Variants in ULK4 observed in about 807,000 individuals in gnomAD.
ULK4 encodes the protein unc-51 like kinase 4, also known as inactive serine/threonine-protein kinase ULK4.
A neutral mutation model predicts 160.6 loss-of-function variants in ULK4; 133 were observed. The ratio of observed to expected loss-of-function variants is 0.83; its 90% CI spans 0.72 to 0.96. The LOEUF is 0.96. Among genes scored for constraint, ULK4 ranks in the 40% least tolerant of loss-of-function variants. The probability of loss-of-function intolerance (pLI) is 0.00; values close to 1 mark genes in which losing one functional copy is unlikely to be tolerated. For synonymous variants in ULK4, 534 were observed against 539.8 expected (o/e 0.99, Z 0.15); for missense variants, 1,580 against 1,499.5 (o/e 1.05, Z -0.89).
chr3:41,373,682 C>T (rs1360225936), intron 35 of ULK4, among the ~76,000 whole-genome samples: 3 of 152,026 alleles, frequency 2.0e-5, no homozygotes, highest in Non-Finnish European at 2.9e-5. Context: ...CAGGAGAAAG[C>T]GGGAAAGATC....
intron 12 of ULK4, among the ~76,000 whole-genome samples, chr3:41,906,216 CAAA>C (rs58001920): frequency 2.8e-4 from 19 of 67,100 alleles, no homozygotes; most frequent in East Asian, 6.7e-4. Context: ...GACTCCGTCT[CAAA>C]AAAAAAAAAA....
At chr3:41,830,231 A>T (rs900236605) in intron 18 of ULK4, among the ~76,000 whole-genome samples, 2 of 152,052 alleles carry the variant, frequency 1.3e-5, no homozygotes, top group African/African-American at 4.8e-5. Context: ...CACCAACATG[A>T]CACATGTATA....
intron 35 of ULK4, among the ~76,000 whole-genome samples, chr3:41,265,060 C>A (rs912217918): frequency 6.6e-6 from 1 of 152,186 alleles, no homozygotes; most frequent in African/African-American, 2.4e-5. Context: ...TAAGGCAGGA[C>A]AGAAGGACTC....
intron 21 of ULK4, among the ~76,000 whole-genome samples, chr3:41,757,866 A>G (rs889535866): frequency 3.3e-5 from 5 of 151,936 alleles, no homozygotes; most frequent in African/African-American, 1.2e-4. Flanking sequence ...TGACCACATG[A>G]TCCGCCTGCC....
chr3:41,551,088 T>C (rs181247431), intron 32 of ULK4, among the ~76,000 whole-genome samples: 12 of 150,994 alleles, frequency 7.9e-5, no homozygotes, highest in African/African-American at 2.2e-4. Flanking sequence ...CTGAAACAAA[T>C]GATAATTGAA....
intron 31 of ULK4, 121 bp from the exon 32 acceptor site, chr3:41,566,251 T>C (rs2087779155): frequency 1.2e-6 from 1 of 802,378 alleles, no homozygotes. Flanking sequence ...GATTACCTTT[T>C]TGCACTTTAA....
At chr3:41,866,348 T>C (rs1349005828) in intron 17 of ULK4, among the ~76,000 whole-genome samples, 3 of 152,200 alleles carry the variant, frequency 2.0e-5, no homozygotes, top group African/African-American at 7.2e-5. Flanking sequence ...GTCCCCAACC[T>C]TTTTGGAACT....
rs150041056 is a variant in ULK4 at position 41,763,610 on chromosome 3, G to A, written c.2194-9122C>T. Among the ~76,000 whole-genome samples, 7 of 152,252 alleles carry A rather than the reference G, an allele frequency of 4.6e-5. No homozygotes were observed. In the East Asian group the frequency reaches 1.2e-3, roughly 25 times the overall value. On this transcript the variant is annotated intron_variant, in intron 21 of 36. Transcript: ENST00000301831. Reference sequence around the variant, plus strand: ...CATTTACATATCCATTCTACTCCTGGACATTTGGGTTGTTTAGAGTTTGGG... The same window carrying A: ...CATTTACATATCCATTCTACTCCTGAACATTTGGGTTGTTTAGAGTTTGGG...
At chr3:41,671,788 C>T (rs1417655579) in intron 29 of ULK4, among the ~76,000 whole-genome samples, 1 of 151,978 alleles carries the variant, frequency 6.6e-6, no homozygotes, top group African/African-American at 2.4e-5. Flanking sequence ...AGATAAACTG[C>T]TTACTGGGAG....
chr3:41,763,510 A>T (rs139339668), intron 21 of ULK4, among the ~76,000 whole-genome samples: 6 of 152,366 alleles, frequency 3.9e-5, no homozygotes, highest in African/African-American at 1.4e-4. Context: ...TAATGGAGTG[A>T]ACGCTGTGTA....
intron 34 of ULK4, among the ~76,000 whole-genome samples, chr3:41,449,625 G>A (rs1232513024): frequency 6.6e-6 from 1 of 152,006 alleles, no homozygotes; most frequent in Admixed American, 6.6e-5. Flanking sequence ...TGACTGTGAA[G>A]TCAGCAGGAA....
chr3:41,693,277 A>G (rs60613103), intron 27 of ULK4, among the ~76,000 whole-genome samples: 19,811 of 152,254 alleles, frequency 0.13, 3,073 homozygotes, highest in African/African-American at 0.38. Context: ...AGTATCTAAC[A>G]GAAGTACAAG....
At chr3:41,795,208 C>T (rs1311297764) in intron 20 of ULK4, among the ~76,000 whole-genome samples, 3 of 152,206 alleles carry the variant, frequency 2.0e-5, no homozygotes, top group Non-Finnish European at 4.4e-5. Flanking sequence ...ATACTCAGTT[C>T]CTATAACCTC....
At chr3:41,294,086 C>G (rs1428493559) in intron 35 of ULK4, among the ~76,000 whole-genome samples, 1 of 152,148 alleles carries the variant, frequency 6.6e-6, no homozygotes, top group Admixed American at 6.5e-5. Flanking sequence ...CTGAGTGTGT[C>G]CCCCAAAATA....
At chr3:41,475,750 A>G (rs2084121721) in intron 32 of ULK4, among the ~76,000 whole-genome samples, 1 of 152,164 alleles carries the variant, frequency 6.6e-6, no homozygotes, top group Non-Finnish European at 1.5e-5. Context: ...GGTACTGTGG[A>G]CTGAAGTCAG....
chr3:41,488,676 T>C (rs993899710), intron 32 of ULK4, among the ~76,000 whole-genome samples: 18 of 152,198 alleles, frequency 1.2e-4, no homozygotes, highest in African/African-American at 4.1e-4. Context: ...GGGTTCAGTT[T>C]GCACCTCTGT....
chr3:41,663,641 C>T lies in ULK4; in HGVS notation c.3037G>A (p.Val1013Ile), dbSNP rs1456282441. The change falls in exon 30 of 37, where the codon GTC becomes ATC. Residue 1013 changes from valine (V) to isoleucine (I), a missense_variant. Coordinates refer to ENST00000301831, the MANE Select transcript of ULK4 (RefSeq NM_017886.4). Reference sequence around the variant, plus strand: ...GTTGGGTTGTGTTCAGTCATCGCGACTAGCAGTTTCAGAGCATATGCTGGT... The same window carrying T: ...GTTGGGTTGTGTTCAGTCATCGCGATTAGCAGTTTCAGAGCATATGCTGGT... ...PVPAYALKLL[V>I]AMTEHNPTFT... The T allele has an allele frequency of 6.2e-7, 1 of 1,613,942 alleles. No individual in the cohort carries two copies. Among genetic ancestry groups the T allele is most frequent in the Non-Finnish European group, 8.5e-7 (1 of 1,179,892 alleles).
intron 30 of ULK4, among the ~76,000 whole-genome samples, chr3:41,658,585 A>G (rs965390875): frequency 6.6e-6 from 1 of 152,218 alleles, no homozygotes; most frequent in Non-Finnish European, 1.5e-5. Flanking sequence ...ATCAATATGT[A>G]ATATTGATAA....
chr3:41,724,411 C>T (rs1344831382), intron 22 of ULK4, among the ~76,000 whole-genome samples: 1 of 152,104 alleles, frequency 6.6e-6, no homozygotes, highest in African/African-American at 2.4e-5. Context: ...AATTTATACT[C>T]CAACAGGTAG....
Sources: allele counts gnomAD v4.1 joint callset (sites outside exome capture counted in the v4.1 genomes callset), GRCh38; gene constraint gnomAD v4.1.1; transcripts MANE v1.5; gene names NCBI Gene and HGNC (gene_info 2026-07-23, HGNC 2026-07-21).